The following BCL11A variants were observed in gnomAD, a reference collection of about 807,000 sequenced individuals.
The protein encoded by BCL11A is BCL11 transcription factor A, also known as B cell CLL/lymphoma 11A.
BCL11A carries 2 observed loss-of-function variants against 55.9 expected under a neutral mutation model. The observed-to-expected ratio is 0.04, with a 90% CI of 0.01 to 0.11. The LOEUF is 0.11. Among genes scored for constraint, BCL11A ranks in the 10% least tolerant of loss-of-function variants. BCL11A has a pLI of 1.00. For missense variants in BCL11A, 817 were observed against 1,137.1 expected, an observed-to-expected ratio of 0.72 and a Z score of 4.05; for synonymous variants, 465 against 473.4, an observed-to-expected ratio of 0.98 and a Z score of 0.23.
chr2:60,545,879 A>C, intron 2 of BCL11A, 92 bp downstream of exon 2: 1 of 1,031,964 alleles, frequency 9.7e-7, no homozygotes, highest in Non-Finnish European at 1.5e-6. Flanking sequence ...GTAATAGAGA[A>C]AGCACTTCAC....
At chr2:60,521,033 G>A (rs1385303239) in intron 2 of BCL11A, among the ~76,000 whole-genome samples, 1 of 151,860 alleles carries the variant, frequency 6.6e-6, no homozygotes, top group Non-Finnish European at 1.5e-5. Context: ...ATGAAATGGA[G>A]AGGAAAGGAA....
At chr2:60,536,230 T>A (rs1411489073) in intron 2 of BCL11A, 1 of 152,026 alleles carries the variant, frequency 6.6e-6, no homozygotes, top group Non-Finnish European at 1.5e-5. Context: ...TCCGCACCCT[T>A]CTCCCCCTCT....
intron 2 of BCL11A, chr2:60,525,703 A>T (rs912837816): frequency 2.0e-5 from 3 of 152,222 alleles, no homozygotes; most frequent in African/African-American, 4.8e-5. Context: ...AGGGAGCCCA[A>T]AATCTCACAG....
At chr2:60,500,151 A>C (rs981643844) in intron 2 of BCL11A, among the ~76,000 whole-genome samples, 1 of 152,244 alleles carries the variant, frequency 6.6e-6, no homozygotes, top group African/African-American at 2.4e-5. Context: ...ACTGAGGGCT[A>C]GGGTGCCCAG....
downstream of BCL11A, chr2:60,453,099 A>T (rs1675793797): frequency 6.5e-6 from 1 of 152,962 alleles, no homozygotes; most frequent in Non-Finnish European, 1.5e-5. Flanking sequence ...ATCAAAACTG[A>T]TGTAAAAGCA....
At chr2:60,518,783 AG>A (rs1421772983) in intron 2 of BCL11A, among the ~76,000 whole-genome samples, 2 of 152,182 alleles carry the variant, frequency 1.3e-5, no homozygotes, top group African/African-American at 4.8e-5. Flanking sequence ...GTGGATTTTA[AG>A]GACTCATCAA....
intron 2 of BCL11A, among the ~76,000 whole-genome samples, chr2:60,530,652 T>C (rs777241355): frequency 6.6e-6 from 1 of 150,664 alleles, no homozygotes; most frequent in African/African-American, 2.4e-5. Context: ...CAGGGAGCAT[T>C]TGATGTACAG....
intron 2 of BCL11A, among the ~76,000 whole-genome samples, chr2:60,480,759 G>A (rs7579014): frequency 0.54 from 81,875 of 151,984 alleles, 23,435 homozygotes; most frequent in Non-Finnish European, 0.63. Flanking sequence ...AAGTCTTCTG[G>A]TGAATTGGTC....
chr2:60,499,670 C>G (rs891280893), intron 2 of BCL11A: 4 of 152,426 alleles, frequency 2.6e-5, no homozygotes, highest in African/African-American at 9.7e-5. Flanking sequence ...CAGTGAGGCC[C>G]AGGAACATGA....
At position 60,461,531 on chromosome 2, in the gene BCL11A, T is replaced by C. The variant is rs772101166; in HGVS notation, c.1381A>G (p.Ser461Gly). Residue 461 changes from serine (S) to glycine (G), a missense_variant, in exon 4 of 4, where the codon AGC becomes GGC. By Grantham distance (56) the Ser-to-Gly change is moderately conservative. Transcript: ENST00000642384. ...GTSDLVGSAS[S>G]ALKSVVAKFK... Reference sequence around the variant, plus strand: ...TTGGCCACCACGGACTTGAGCGCGCTGCTGGCGCTGCCCACCAAGTCGCTG... The same window carrying C: ...TTGGCCACCACGGACTTGAGCGCGCCGCTGGCGCTGCCCACCAAGTCGCTG... The C allele has an allele frequency of 3.7e-6, 6 of 1,608,932 alleles. No homozygotes were observed. In the Admixed American group the frequency reaches 1.0e-4, roughly 27 times the overall value.
At chr2:60,485,751 T>C (rs539747720) in intron 2 of BCL11A, among the ~76,000 whole-genome samples, 1 of 152,302 alleles carries the variant, frequency 6.6e-6, no homozygotes, top group East Asian at 1.9e-4. Flanking sequence ...ATACCAGCAA[T>C]GCCCCTTGTG....
At position 60,546,490 on chromosome 2, in the gene BCL11A, T is replaced by C. The variant is rs769103803; in HGVS notation, c.56-190A>G. On this transcript the variant is annotated intron_variant, in intron 1 of 3. Coordinates refer to ENST00000642384, the MANE Select transcript of BCL11A (RefSeq NM_022893.4). The surrounding 1 kb of genome is among the most constrained non-coding windows in gnomAD (Gnocchi z 4.1). ...GAAGGTTATCAACCAGAGAGCAAATTTGTCAATGAGGCAAATCATCACATA... is the reference window on the plus strand; with the variant it reads ...GAAGGTTATCAACCAGAGAGCAAATCTGTCAATGAGGCAAATCATCACATA... 47 of 592,156 alleles carry C rather than the reference T, an allele frequency of 7.9e-5. 1 individual carries two copies. Among genetic ancestry groups the C allele is most frequent in the Admixed American group, 1.5e-4 (5 of 32,344 alleles). 36.7% of individuals were successfully genotyped at this position (592,156 alleles called of 1,614,324 possible). A position where few individuals can be genotyped will look rare whatever the true frequency, so the allele number is the denominator to read the frequency against.
At position 60,482,383 on chromosome 2, in the gene BCL11A, C is replaced by CT. The variant is rs1367058606; in HGVS notation, c.386-13551dup. 4.6e-5 allele frequency among the ~76,000 whole-genome samples: 7 copies of CT among 152,180 alleles called. No homozygotes were observed. The East Asian group carries it at 1.2e-3, about 25-fold the overall frequency. ...AACTGGAGAAAAGTGAGAAATGGAG[C>CT]TTTTTTCTTGGCTTCCAAACAGTTG... On this transcript the variant is annotated intron_variant, in intron 2 of 3. Coordinates refer to ENST00000642384, the MANE Select transcript of BCL11A (RefSeq NM_022893.4).
intron 2 of BCL11A, chr2:60,542,443 A>C (rs1381739150): frequency 6.6e-6 from 1 of 152,242 alleles, no homozygotes; most frequent in Non-Finnish European, 1.5e-5. Flanking sequence ...AACAAAACAA[A>C]ACCCCTATTG....
At chr2:60,550,212 G>C (rs1352019633) in intron 1 of BCL11A, among the ~76,000 whole-genome samples, 2 of 152,174 alleles carry the variant, frequency 1.3e-5, no homozygotes, top group Non-Finnish European at 2.9e-5. Flanking sequence ...GGCCCCGAAA[G>C]AAAGCGAAAA....
At position 60,458,071 on chromosome 2, in the gene BCL11A, CT is replaced by C; in HGVS notation, c.*2332del. The C allele has an allele frequency of 9.7e-7, 1 of 1,031,148 alleles. No homozygotes were observed. Among genetic ancestry groups the C allele is most frequent in the African/African-American group, 1.7e-5 (1 of 58,838 alleles). The allele number at this position is 1,031,148 out of a possible 1,614,324, so 63.9% of individuals were successfully genotyped here. A position where few individuals can be genotyped will look rare whatever the true frequency, so the allele number is the denominator to read the frequency against. On this transcript the variant is annotated 3_prime_UTR_variant, in exon 4 of 4. Coordinates refer to ENST00000642384, the MANE Select transcript of BCL11A (RefSeq NM_022893.4). The stretch of plus-strand genomic sequence containing the variant: ...ACTACCAAAAAAGGTACATTGATAC[CT>C]TTTAAGAGAACAAGCAACAGTTAAA...
At chr2:60,523,605 T>A (rs1224123393) in intron 2 of BCL11A, among the ~76,000 whole-genome samples, 1 of 152,096 alleles carries the variant, frequency 6.6e-6, no homozygotes, top group Non-Finnish European at 1.5e-5. Context: ...TAGATGCATA[T>A]GTATATATGC....
chr2:60,550,734 G>A (rs1670375273), intron 1 of BCL11A: 1 of 397,972 alleles, frequency 2.5e-6, no homozygotes. Context: ...GATGGACCCA[G>A]GAGGGAGAGG....
intron 2 of BCL11A, among the ~76,000 whole-genome samples, chr2:60,488,362 T>C (rs1302065719): frequency 6.6e-6 from 1 of 152,214 alleles, no homozygotes; most frequent in African/African-American, 2.4e-5. Context: ...TCCTTGGCAA[T>C]CCAGTTACAA....
Sources: allele counts gnomAD v4.1 joint callset (sites outside exome capture counted in the v4.1 genomes callset), GRCh38; gene constraint gnomAD v4.1.1; non-coding constraint Gnocchi (gnomAD v3.1); transcripts MANE v1.5; gene names NCBI Gene and HGNC (gene_info 2026-07-23, HGNC 2026-07-21).